LCLAT1: variants seen among roughly 807,000 people sequenced by gnomAD.
LCLAT1 encodes lysocardiolipin acyltransferase 1, also known as 1-AGP acyltransferase 8.
A neutral mutation model predicts 30.7 loss-of-function variants in LCLAT1; 11 were observed. That is an observed-to-expected ratio of 0.36 (90% confidence interval 0.23 to 0.59). The LOEUF is 0.59. Among genes scored for constraint, LCLAT1 ranks in the 20% least tolerant of loss-of-function variants. The pLI, the probability that LCLAT1 is intolerant of heterozygous loss-of-function variation, is 0.77. For synonymous variants in LCLAT1, 155 were observed against 151.3 expected, an observed-to-expected ratio of 1.02 and a Z score of -0.18; for missense variants, 402 against 458.6, an observed-to-expected ratio of 0.88 and a Z score of 1.13.
chr2:30,552,313 A>G (rs766085161), intron 3 of LCLAT1, among the ~76,000 whole-genome samples: 13 of 152,228 alleles, frequency 8.5e-5, no homozygotes, highest in Non-Finnish European at 1.6e-4. Flanking sequence ...TACTGTCTGC[A>G]TGTGTATATG....
chr2:30,572,071 A>G, intron 5 of LCLAT1, among the ~76,000 whole-genome samples: 1 of 152,238 alleles, frequency 6.6e-6, no homozygotes, highest in Admixed American at 6.5e-5. Flanking sequence ...ACCGCATGTC[A>G]GAGACCTTTG....
intron 1 of LCLAT1, among the ~76,000 whole-genome samples, chr2:30,483,848 C>T (rs1338681683): frequency 6.6e-6 from 1 of 152,064 alleles, no homozygotes; most frequent in Non-Finnish European, 1.5e-5. Context: ...TGAATGGGAA[C>T]GAGTACTGAA....
chr2:30,585,868 A>C lies in LCLAT1; in HGVS notation c.628+17692A>C, dbSNP rs143693028. ...AGCTCTGCTGGAGAAAATCCCCTAA[A>C]CCATGCAGATTACTGCCAAATAAAC... On this transcript the variant is annotated intron_variant, in intron 5 of 5. Coordinates refer to ENST00000379509, the MANE Select transcript of LCLAT1 (RefSeq NM_001002257.3). Among the ~76,000 whole-genome samples the C allele has an allele frequency of 5.6e-4, 85 of 152,126 alleles. No homozygotes were observed. In the East Asian group the frequency reaches 0.015, roughly 27 times the overall value.
At chr2:30,576,683 T>G (rs868468259) in intron 5 of LCLAT1, among the ~76,000 whole-genome samples, 4 of 152,134 alleles carry the variant, frequency 2.6e-5, no homozygotes, top group African/African-American at 9.7e-5. Flanking sequence ...TGTATATGCT[T>G]CTTTTTTGGG....
intron 1 of LCLAT1, among the ~76,000 whole-genome samples, chr2:30,521,748 G>C (rs867165514): frequency 2.0e-5 from 3 of 151,680 alleles, no homozygotes; most frequent in Non-Finnish European, 2.9e-5. Context: ...CTCGTGATCT[G>C]CTCCCCTTGG....
At chr2:30,622,409 G>A (rs543461147) in intron 5 of LCLAT1, among the ~76,000 whole-genome samples, 1 of 152,198 alleles carries the variant, frequency 6.6e-6, no homozygotes, top group South Asian at 2.1e-4. Flanking sequence ...TACTTATCCA[G>A]ACAGCCCTAG....
At chr2:30,605,550 T>G (rs1667398408) in intron 5 of LCLAT1, among the ~76,000 whole-genome samples, 1 of 152,202 alleles carries the variant, frequency 6.6e-6, no homozygotes, top group African/African-American at 2.4e-5. Context: ...TGTTCAAACA[T>G]TTAGATATGT....
chr2:30,620,879 C>T lies in LCLAT1; in HGVS notation c.629-19238C>T, dbSNP rs147613833. 2.6e-4 allele frequency among the ~76,000 whole-genome samples: 39 copies of T among 152,274 alleles called. No homozygotes were observed. The East Asian group carries it at 6.6e-3, about 26-fold the overall frequency. On this transcript the variant is annotated intron_variant, in intron 5 of 5. Coordinates refer to ENST00000379509, the MANE Select transcript of LCLAT1 (RefSeq NM_001002257.3). ...GGCTCTAGGGGAGAATCCTTCCTTG[C>T]CTTTTCCAGCTTCTAGCAACTCCTG... is the stretch of plus-strand genomic sequence containing the variant.
At chr2:30,607,945 G>A (rs748490449) in intron 5 of LCLAT1, 6 of 165,176 alleles carry the variant, frequency 3.6e-5, no homozygotes, top group Non-Finnish European at 2.6e-5. Context: ...TATAATTAAA[G>A]GTTATGGAAT....
chr2:30,555,073 A>G (rs1032663470), intron 3 of LCLAT1, among the ~76,000 whole-genome samples: 7 of 152,144 alleles, frequency 4.6e-5, no homozygotes, highest in African/African-American at 9.6e-5. Context: ...CTATAAAACT[A>G]TGGGTGAAGA....
chr2:30,639,388 G>A (rs1389872932), intron 5 of LCLAT1, among the ~76,000 whole-genome samples: 1 of 152,230 alleles, frequency 6.6e-6, no homozygotes, highest in Non-Finnish European at 1.5e-5. Flanking sequence ...GCCTGTTTAA[G>A]TGAAAACACT....
At chr2:30,535,681 T>A (rs1424031712) in intron 3 of LCLAT1, among the ~76,000 whole-genome samples, 1 of 152,166 alleles carries the variant, frequency 6.6e-6, no homozygotes, top group East Asian at 1.9e-4. Context: ...ATGAAAGCTA[T>A]ATCATAAAAT....
At chr2:30,513,439 A>G (rs1322610996) in intron 1 of LCLAT1, among the ~76,000 whole-genome samples, 1 of 152,186 alleles carries the variant, frequency 6.6e-6, no homozygotes, top group Non-Finnish European at 1.5e-5. Context: ...CAACTTTAGT[A>G]TAATGTAGTT....
At chr2:30,493,947 G>A (rs557254214) in intron 1 of LCLAT1, among the ~76,000 whole-genome samples, 8 of 152,062 alleles carry the variant, frequency 5.3e-5, no homozygotes, top group South Asian at 2.1e-4. Flanking sequence ...GAGGTCAGGC[G>A]TTCAAGACCA....
chr2:30,595,778 T>G (rs2602803), intron 5 of LCLAT1, among the ~76,000 whole-genome samples: 14,615 of 152,178 alleles, frequency 0.096, 750 homozygotes, highest in East Asian at 0.13. Flanking sequence ...CTGTATTTCC[T>G]GATGCTTTCC....
intron 5 of LCLAT1, among the ~76,000 whole-genome samples, chr2:30,603,470 CTTTT>C (rs778665083): frequency 7.0e-6 from 1 of 142,728 alleles, no homozygotes; most frequent in African/African-American, 2.5e-5. Flanking sequence ...TCAATTTTTG[CTTTT>C]TTTTTTTTGA....
intron 1 of LCLAT1, among the ~76,000 whole-genome samples, chr2:30,469,448 G>A (rs2148288593): frequency 6.6e-6 from 1 of 152,034 alleles, no homozygotes; most frequent in East Asian, 1.9e-4. Flanking sequence ...CTATCCAGTA[G>A]TATCATTTGT....
chr2:30,467,297 C>T (rs759618447), intron 1 of LCLAT1, among the ~76,000 whole-genome samples: 35 of 152,326 alleles, frequency 2.3e-4, no homozygotes, highest in Middle Eastern at 3.4e-3. Flanking sequence ...GCATAGTATT[C>T]CATGGTGTAT....
At chr2:30,495,076 T>C (rs1388191363) in intron 1 of LCLAT1, among the ~76,000 whole-genome samples, 1 of 145,032 alleles carries the variant, frequency 6.9e-6, no homozygotes, top group African/African-American at 2.5e-5. Flanking sequence ...GATTTTGCTT[T>C]TGACATTTTA....
Sources: gnomAD v4.1 joint callset for allele counts (sites outside exome capture counted in the v4.1 genomes callset) on GRCh38, gnomAD v4.1.1 for gene constraint, MANE v1.5 for transcripts, NCBI Gene and HGNC (gene_info 2026-07-23, HGNC 2026-07-21) for gene names.